GRM8: variants seen among roughly 807,000 people sequenced by gnomAD.
GRM8 encodes metabotropic glutamate receptor 8.
GRM8 carries 47 observed loss-of-function variants against 87.2 expected under a neutral mutation model. The observed-to-expected ratio is 0.54, with a 90% CI of 0.43 to 0.69. The LOEUF (loss-of-function observed/expected upper bound fraction) is 0.69. Ranked by LOEUF, GRM8 falls within the 30% of genes least tolerant of loss-of-function variation. GRM8 has a pLI of 0.00. For synonymous variants in GRM8, 396 were observed against 404.5 expected, an observed-to-expected ratio of 0.98 and a Z score of 0.25; for missense variants, 1,019 against 1,139.2, an observed-to-expected ratio of 0.89 and a Z score of 1.52.
At chr7:127,006,706 CA>C (rs1365613687) in intron 3 of GRM8, among the ~76,000 whole-genome samples, 3 of 151,968 alleles carry the variant, frequency 2.0e-5, no homozygotes, top group Non-Finnish European at 4.4e-5. Context: ...CTTTTTTCCT[CA>C]GTTTCCATTG....
chr7:126,694,432 G>C (rs1007745604), intron 7 of GRM8, among the ~76,000 whole-genome samples: 2 of 152,146 alleles, frequency 1.3e-5, no homozygotes, highest in Non-Finnish European at 2.9e-5. Context: ...CCAATGATTT[G>C]AGTGTAACTG....
intron 8 of GRM8, among the ~76,000 whole-genome samples, chr7:126,550,775 T>C (rs949684224): frequency 9.9e-5 from 15 of 151,754 alleles, no homozygotes; most frequent in African/African-American, 3.4e-4. Flanking sequence ...GCACAAATGA[T>C]ACATAATACT....
chr7:127,173,865 G>A (rs1045554935), intron 2 of GRM8, among the ~76,000 whole-genome samples: 1 of 152,130 alleles, frequency 6.6e-6, no homozygotes, highest in African/African-American at 2.4e-5. Flanking sequence ...GGGTCTAGAG[G>A]TGCTACCTGA....
intron 6 of GRM8, among the ~76,000 whole-genome samples, chr7:126,891,622 T>A (rs1801017066): frequency 6.6e-6 from 1 of 151,974 alleles, no homozygotes; most frequent in Admixed American, 6.6e-5. Context: ...AAAATAATAA[T>A]ACTACTGATA....
rs537053461 is a variant in GRM8 at position 126,797,466 on chromosome 7, T to A, written c.1157-27401A>T. 1.5e-3 allele frequency among the ~76,000 whole-genome samples: 232 copies of A among 152,190 alleles called. 1 individual carries two copies. Among genetic ancestry groups the A allele is most frequent in the African/African-American group, 5.2e-3 (214 of 41,538 alleles). On this transcript the variant is annotated intron_variant, in intron 6 of 10. Coordinates refer to ENST00000339582, the MANE Select transcript of GRM8 (RefSeq NM_000845.3). ...ATAACATTTCCAACTCTATTTTTTT[T>A]AAAAAATCATATTTTGGATTTCTCT... is the stretch of plus-strand genomic sequence containing the variant.
At chr7:127,192,599 A>C (rs906952289) in intron 2 of GRM8, among the ~76,000 whole-genome samples, 2 of 152,234 alleles carry the variant, frequency 1.3e-5, no homozygotes, top group Admixed American at 6.5e-5. Flanking sequence ...ACACATAAAA[A>C]ATATATGACT....
chr7:126,763,128 A>G (rs187930871), intron 7 of GRM8, among the ~76,000 whole-genome samples: 46 of 149,622 alleles, frequency 3.1e-4, no homozygotes, highest in Admixed American at 6.6e-4. Flanking sequence ...GAATCCTTAT[A>G]ATTTCCGTTT....
intron 9 of GRM8, among the ~76,000 whole-genome samples, chr7:126,510,618 C>A (rs897400597): frequency 1.3e-4 from 1 of 7,910 alleles, no homozygotes; most frequent in Non-Finnish European, 2.7e-4. Context: ...TGATTGATTG[C>A]CACGTGGAAG....
intron 3 of GRM8, among the ~76,000 whole-genome samples, chr7:127,068,559 T>G (rs1416765871): frequency 2.0e-5 from 3 of 152,146 alleles, no homozygotes; most frequent in South Asian, 4.1e-4. Context: ...GGGGCACACA[T>G]GGAGAAGGAT....
At chr7:126,848,282 T>A (rs1321550869) in intron 6 of GRM8, among the ~76,000 whole-genome samples, 1 of 152,196 alleles carries the variant, frequency 6.6e-6, no homozygotes, top group Non-Finnish European at 1.5e-5. Context: ...AGTCTAGAGC[T>A]GTACTGTTCA....
chr7:126,982,390 T>C lies in GRM8; in HGVS notation c.728-77707A>G, dbSNP rs1451015538. ...AATCCAATCAAGTTGACACTCAGTA[T>C]TAACTATCACAAGTCCACCCCTTGA... On this transcript the variant is annotated intron_variant, in intron 3 of 10. Transcript: ENST00000339582. Among the ~76,000 whole-genome samples, 7 of 152,198 alleles carry C rather than the reference T, an allele frequency of 4.6e-5. No individual in the cohort carries two copies. The East Asian group carries it at 1.2e-3, about 25-fold the overall frequency.
chr7:127,160,045 T>C (rs1359091516), intron 2 of GRM8, among the ~76,000 whole-genome samples: 1 of 152,162 alleles, frequency 6.6e-6, no homozygotes, highest in East Asian at 1.9e-4. Context: ...TATAAAAGCA[T>C]TGCCTAAGCA....
intron 3 of GRM8, among the ~76,000 whole-genome samples, chr7:126,912,198 AAAACAAAC>A (rs55857352): frequency 0.019 from 2,911 of 150,686 alleles, 81 homozygotes; most frequent in African/African-American, 0.063. Context: ...CTCTGTCTCA[AAAACAAAC>A]AAACAAACAA....
intron 7 of GRM8, among the ~76,000 whole-genome samples, chr7:126,639,140 G>A (rs895270845): frequency 2.6e-5 from 4 of 152,200 alleles, no homozygotes; most frequent in Non-Finnish European, 5.9e-5. Context: ...TCAAGTGCTT[G>A]TCCAGATGCC....
At chr7:126,777,378 C>A (rs567244771) in intron 6 of GRM8, among the ~76,000 whole-genome samples, 3 of 152,216 alleles carry the variant, frequency 2.0e-5, no homozygotes, top group Non-Finnish European at 2.9e-5. Context: ...CCCAACATTG[C>A]AAAGTAATGG....
chr7:126,694,398 G>A (rs1809158761), intron 7 of GRM8, among the ~76,000 whole-genome samples: 1 of 152,088 alleles, frequency 6.6e-6, no homozygotes, highest in Admixed American at 6.6e-5. Flanking sequence ...TTCCCAAGCT[G>A]GATAACTGTG....
At chr7:126,468,111 T>A (rs1804721267) in intron 9 of GRM8, among the ~76,000 whole-genome samples, 1 of 152,046 alleles carries the variant, frequency 6.6e-6, no homozygotes, top group Non-Finnish European at 1.5e-5. Flanking sequence ...ATGAAGCCCA[T>A]AAAGCACTGT....
chr7:126,809,262 C>A (rs1420556475), intron 6 of GRM8, among the ~76,000 whole-genome samples: 1 of 152,170 alleles, frequency 6.6e-6, no homozygotes, highest in Non-Finnish European at 1.5e-5. Flanking sequence ...TTAATTCCAT[C>A]TACAAACTGA....
intron 3 of GRM8, among the ~76,000 whole-genome samples, chr7:127,019,305 T>TA (rs1163885443): frequency 6.6e-6 from 1 of 152,076 alleles, no homozygotes; most frequent in Non-Finnish European, 1.5e-5. Flanking sequence ...ACATTGTCCT[T>TA]AAAAACAAAC....
Sources: gnomAD v4.1 joint callset for allele counts (sites outside exome capture counted in the v4.1 genomes callset) on GRCh38, gnomAD v4.1.1 for gene constraint, MANE v1.5 for transcripts, NCBI Gene and HGNC (gene_info 2026-07-23, HGNC 2026-07-21) for gene names.